The following TXNDC12 variants were observed in gnomAD, a reference collection of about 807,000 sequenced individuals.
The protein encoded by TXNDC12 is thioredoxin domain containing 12.
In TXNDC12, 22 loss-of-function variants were observed where a neutral mutation model predicts 24.2. The observed-to-expected ratio is 0.91, with a 90% CI of 0.65 to 1.30. TXNDC12 has a LOEUF of 1.30. Among genes scored for constraint, TXNDC12 ranks in the 50% most tolerant of loss-of-function variants. The pLI, the probability that TXNDC12 is intolerant of heterozygous loss-of-function variation, is 0.00. For synonymous variants in TXNDC12, 58 were observed against 73.4 expected, an observed-to-expected ratio of 0.79 and a Z score of 1.07; for missense variants, 184 against 205.8, an observed-to-expected ratio of 0.89 and a Z score of 0.65.
intron 2 of TXNDC12, among the ~76,000 whole-genome samples, chr1:52,038,993 C>T (rs1276177579): frequency 6.9e-6 from 1 of 144,748 alleles, no homozygotes; most frequent in Non-Finnish European, 1.5e-5. Flanking sequence ...TACTTTGTTG[C>T]CCAGGCTGGT....
At chr1:52,024,969 C>T (rs1685652119) in intron 4 of TXNDC12, among the ~76,000 whole-genome samples, 1 of 152,194 alleles carries the variant, frequency 6.6e-6, no homozygotes, top group African/African-American at 2.4e-5. Flanking sequence ...TCCCTTCCAC[C>T]TTTCTTTTTT....
intron 1 of TXNDC12, among the ~76,000 whole-genome samples, chr1:52,047,814 T>A (rs1428374952): frequency 6.6e-6 from 1 of 151,532 alleles, no homozygotes; most frequent in Non-Finnish European, 1.5e-5. Context: ...AAGTGAAGAG[T>A]GGGTGATTGA....
At chr1:52,025,766 C>T (rs749935590) in intron 4 of TXNDC12, among the ~76,000 whole-genome samples, 2 of 152,074 alleles carry the variant, frequency 1.3e-5, no homozygotes, top group Non-Finnish European at 2.9e-5. Context: ...AGCTGCCTCA[C>T]TGTTAACTGT....
intron 6 of TXNDC12, among the ~76,000 whole-genome samples, chr1:52,021,441 T>C (rs1387115306): frequency 3.3e-5 from 5 of 151,994 alleles, no homozygotes; most frequent in Non-Finnish European, 5.9e-5. Context: ...CTTATTTTAC[T>C]TCCTGTGGAG....
intron 1 of TXNDC12, among the ~76,000 whole-genome samples, chr1:52,050,605 G>A (rs1256534765): frequency 1.3e-5 from 2 of 152,258 alleles, no homozygotes; most frequent in Non-Finnish European, 2.9e-5. Flanking sequence ...ATCAGAGCTG[G>A]CAGCCAAGCC....
intron 2 of TXNDC12, among the ~76,000 whole-genome samples, chr1:52,031,448 G>A (rs1161381400): frequency 1.3e-5 from 2 of 151,762 alleles, no homozygotes; most frequent in African/African-American, 4.8e-5. Context: ...ATGAGCCACC[G>A]CACCCAGCCT....
In TXNDC12 at chr1:52,023,419, TCA is replaced by T. The variant is rs970146896; in HGVS notation, c.439+70_439+71del. 1.8e-5 allele frequency: 23 copies of T among 1,252,622 alleles called. No individual in the cohort carries two copies. In the African/African-American group the frequency reaches 3.1e-4, roughly 17 times the overall value. The allele number at this position is 1,252,622 out of a possible 1,614,324, so 77.6% of individuals were successfully genotyped here. A position where few individuals can be genotyped will look rare whatever the true frequency, so the allele number is the denominator to read the frequency against. On this transcript the variant is annotated intron_variant, in intron 6 of 6. Transcript: ENST00000371626. ...CTAACATGCTGAATTTACTTTCCTATCACAGACCTTGCATGTGGTTCATCCTA... is the reference window on the plus strand; with the variant it reads ...CTAACATGCTGAATTTACTTTCCTATCAGACCTTGCATGTGGTTCATCCTA...
At chr1:52,033,452 G>A (rs1382460060) in intron 2 of TXNDC12, 1 of 1,613,008 alleles carries the variant, frequency 6.2e-7, no homozygotes, top group Non-Finnish European at 8.5e-7. Flanking sequence ...CAGTAGACCA[G>A]GCAGAGCGGG....
chr1:52,021,133 G>T, intron 6 of TXNDC12, 121 bp from the exon 7 acceptor site: 1 of 705,766 alleles, frequency 1.4e-6, no homozygotes, highest in Non-Finnish European at 2.4e-6. Context: ...CTGGACTCAA[G>T]ATCTAGCTCT....
Position 52,027,322 on chromosome 1 carries a change from T to A in TXNDC12, c.238A>T (p.Thr80Ser), listed in dbSNP as rs146106775. 1.4e-5 allele frequency: 23 copies of A among 1,613,518 alleles called. No individual in the cohort carries two copies. The African/African-American group carries it at 2.9e-4, about 21-fold the overall frequency. The change falls in exon 4 of 7, where the codon ACG (threonine) becomes TCG (serine). Residue 80 changes from threonine to serine, a missense_variant. Thr to Ser is a moderately conservative substitution (Grantham distance 58). Transcript: ENST00000371626. ...KALKPKFAES[T>S]EISELSHNFV... ...TTATGGGAGAGTTCTGAAATTTCCG[T>A]AGATTCTGCAAATTTGGGCTTTAGA...
At chr1:52,042,484 A>G (rs951693266) in intron 1 of TXNDC12, among the ~76,000 whole-genome samples, 5 of 145,472 alleles carry the variant, frequency 3.4e-5, no homozygotes, top group African/African-American at 1.3e-4. Flanking sequence ...TTTTTTTGAG[A>G]TAGAGTCTCT....
At chr1:52,025,823 CTTTT>C (rs1169704242) in intron 4 of TXNDC12, among the ~76,000 whole-genome samples, 1 of 142,470 alleles carries the variant, frequency 7.0e-6, no homozygotes, top group Non-Finnish European at 1.5e-5. Flanking sequence ...TAAACATTAT[CTTTT>C]TTTTTTTTTT....
At chr1:52,041,329 T>A (rs1353321852) in intron 2 of TXNDC12, among the ~76,000 whole-genome samples, 9 of 149,034 alleles carry the variant, frequency 6.0e-5, no homozygotes, top group Admixed American at 4.0e-4. Context: ...TGAGACTCCA[T>A]CTCAAAAAGA....
chr1:52,044,066 A>T (rs1686043214), intron 1 of TXNDC12: 1 of 152,262 alleles, frequency 6.6e-6, no homozygotes, highest in Admixed American at 6.5e-5. Context: ...CATGATCACC[A>T]TCACTCTATT....
At chr1:52,053,654 ACT>A (rs1410899885) in intron 1 of TXNDC12, among the ~76,000 whole-genome samples, 2 of 152,180 alleles carry the variant, frequency 1.3e-5, no homozygotes, top group East Asian at 3.9e-4. Context: ...ACAGTGTGAG[ACT>A]CTGTCTAAAA....
At chr1:52,021,988 G>A (rs1402353623) in intron 6 of TXNDC12, among the ~76,000 whole-genome samples, 3 of 152,090 alleles carry the variant, frequency 2.0e-5, no homozygotes, top group East Asian at 1.9e-4. Context: ...CTAAAGGGAA[G>A]GTGAATCTCA....
At chr1:52,047,778 G>A (rs1572011314) in intron 1 of TXNDC12, among the ~76,000 whole-genome samples, 2 of 151,792 alleles carry the variant, frequency 1.3e-5, no homozygotes, top group East Asian at 3.9e-4. Flanking sequence ...ATTAAAATTA[G>A]AACTAAATAT....
chr1:52,050,707 T>C (rs1369313633), intron 1 of TXNDC12, among the ~76,000 whole-genome samples: 2 of 152,358 alleles, frequency 1.3e-5, no homozygotes, highest in Admixed American at 6.5e-5. Context: ...GAATTCTTGT[T>C]CAGCCACTTA....
intron 1 of TXNDC12, among the ~76,000 whole-genome samples, chr1:52,042,357 A>C (rs1686008341): frequency 6.6e-6 from 1 of 152,166 alleles, no homozygotes; most frequent in African/African-American, 2.4e-5. Context: ...CAACTCTTGC[A>C]GTAGGGTTTA....
Sources: allele counts gnomAD v4.1 joint callset (sites outside exome capture counted in the v4.1 genomes callset), GRCh38; gene constraint gnomAD v4.1.1; transcripts MANE v1.5; gene names NCBI Gene and HGNC (gene_info 2026-07-23, HGNC 2026-07-21).